Variants in RAB38 observed in about 807,000 individuals in gnomAD.
RAB38 encodes ras-related protein Rab-38.
RAB38 carries 15 observed loss-of-function variants against 18.4 expected under a neutral mutation model. That is an observed-to-expected ratio of 0.82 (90% CI 0.55 to 1.26). RAB38 has a LOEUF of 1.26. Among genes scored for constraint, RAB38 ranks in the 50% most tolerant of loss-of-function variants. The pLI is 0.00. For synonymous variants in RAB38, 101 were observed against 104.4 expected, an observed-to-expected ratio of 0.97 and a Z score of 0.20; for missense variants, 294 against 267.4, an observed-to-expected ratio of 1.10 and a Z score of -0.69.
chr11:87,923,695 G>A, the RAB38 span, among the ~76,000 whole-genome samples: 12 of 151,584 alleles, frequency 7.9e-5, no homozygotes, highest in Admixed American at 2.6e-4. Flanking sequence ...AGAAGAAGTC[G>A]GTGCTTTGGA....
the RAB38 span, among the ~76,000 whole-genome samples, chr11:88,056,020 T>C: frequency 6.6e-6 from 1 of 150,822 alleles, no homozygotes; most frequent in African/African-American, 2.4e-5. Context: ...TTTTCTTTCG[T>C]GTGTGTGTGT....
chr11:87,961,628 G>A, the RAB38 span, among the ~76,000 whole-genome samples: 2 of 152,110 alleles, frequency 1.3e-5, no homozygotes, highest in Non-Finnish European at 2.9e-5. Context: ...CATAAAAGCT[G>A]ACTCTGGTAC....
At chr11:87,844,909 G>A in the RAB38 span, among the ~76,000 whole-genome samples, 1 of 152,160 alleles carries the variant, frequency 6.6e-6, no homozygotes, top group Non-Finnish European at 1.5e-5. Flanking sequence ...AGACACACAT[G>A]TGTGGGCACA....
the RAB38 span, among the ~76,000 whole-genome samples, chr11:87,871,311 G>C: frequency 1.3e-5 from 2 of 151,528 alleles, no homozygotes; most frequent in Admixed American, 1.3e-4. Context: ...CTTAAAGCAG[G>C]AATCAGAGCT....
chr11:87,827,682 G>T, the RAB38 span, among the ~76,000 whole-genome samples: 1 of 152,090 alleles, frequency 6.6e-6, no homozygotes, highest in Non-Finnish European at 1.5e-5. Context: ...TCTTGACACG[G>T]TTAGCCTGTT....
the RAB38 span, among the ~76,000 whole-genome samples, chr11:87,820,766 ACT>A: frequency 6.8e-4 from 103 of 152,318 alleles, no homozygotes; most frequent in African/African-American, 2.0e-3. Flanking sequence ...TTATAAAATA[ACT>A]CTCTAATATG....
the RAB38 span, among the ~76,000 whole-genome samples, chr11:87,975,925 A>G: frequency 6.6e-6 from 1 of 151,558 alleles, no homozygotes; most frequent in Admixed American, 6.6e-5. Context: ...AATGGCATTT[A>G]AAAGATTAAA....
chr11:88,122,234 C>A (rs1942639699), intron 2 of RAB38, among the ~76,000 whole-genome samples: 1 of 152,134 alleles, frequency 6.6e-6, no homozygotes, highest in Admixed American at 6.5e-5. Context: ...GTATGACTTA[C>A]CAGTAATTGC....
the RAB38 span, among the ~76,000 whole-genome samples, chr11:87,951,032 A>G: frequency 6.6e-6 from 1 of 152,136 alleles, no homozygotes; most frequent in South Asian, 2.1e-4. Context: ...CCAATCAGAC[A>G]TAGAGTTGGT....
At chr11:88,052,484 A>G in the RAB38 span, among the ~76,000 whole-genome samples, 1 of 152,140 alleles carries the variant, frequency 6.6e-6, no homozygotes. Context: ...AAAGGTAACA[A>G]TAGAACTGGA....
the RAB38 span, among the ~76,000 whole-genome samples, chr11:88,065,615 T>G: frequency 6.6e-6 from 1 of 152,196 alleles, no homozygotes; most frequent in Non-Finnish European, 1.5e-5. Flanking sequence ...GCTCTCCCAC[T>G]CAAAATTATG....
chr11:87,818,342 A>G, the RAB38 span, among the ~76,000 whole-genome samples: 1 of 152,162 alleles, frequency 6.6e-6, no homozygotes, highest in Non-Finnish European at 1.5e-5. Flanking sequence ...TAATAACACT[A>G]TTGAGATTTA....
At chr11:87,935,106 A>G in the RAB38 span, among the ~76,000 whole-genome samples, 3 of 151,238 alleles carry the variant, frequency 2.0e-5, no homozygotes, top group African/African-American at 7.4e-5. Context: ...GACACAAACC[A>G]AAAAGCTGTT....
At chr11:88,043,202 T>A in the RAB38 span, among the ~76,000 whole-genome samples, 1 of 152,226 alleles carries the variant, frequency 6.6e-6, no homozygotes, top group Non-Finnish European at 1.5e-5. Flanking sequence ...CATGTGATCA[T>A]GCCTGTTTCC....
At chr11:87,822,777 A>G in the RAB38 span, among the ~76,000 whole-genome samples, 1 of 152,220 alleles carries the variant, frequency 6.6e-6, no homozygotes, top group African/African-American at 2.4e-5. Flanking sequence ...TAAGAGAAGT[A>G]AATCAGGAGG....
At chr11:88,032,382 G>C in the RAB38 span, among the ~76,000 whole-genome samples, 1 of 152,130 alleles carries the variant, frequency 6.6e-6, no homozygotes, top group Non-Finnish European at 1.5e-5. Flanking sequence ...TGACAAATGG[G>C]ATCTAATTAA....
chr11:87,956,178 G>C, the RAB38 span, among the ~76,000 whole-genome samples: 3 of 152,050 alleles, frequency 2.0e-5, no homozygotes, highest in African/African-American at 4.8e-5. Flanking sequence ...ATATTTACTT[G>C]TAAGTAAATA....
At chr11:88,137,190 C>A (rs979745691) in intron 2 of RAB38, among the ~76,000 whole-genome samples, 1 of 152,176 alleles carries the variant, frequency 6.6e-6, no homozygotes, top group African/African-American at 2.4e-5. Context: ...ATCACCATAG[C>A]CACTATTCAA....
At chr11:87,811,078 C>G in the RAB38 span, among the ~76,000 whole-genome samples, 2 of 152,236 alleles carry the variant, frequency 1.3e-5, no homozygotes, top group East Asian at 1.9e-4. Context: ...AGGCTCTCCT[C>G]TTTCCCAAGA....
Sources: gnomAD v4.1 joint callset for allele counts (sites outside exome capture counted in the v4.1 genomes callset) on GRCh38, gnomAD v4.1.1 for gene constraint, MANE v1.5 for transcripts, NCBI Gene and HGNC (gene_info 2026-07-23, HGNC 2026-07-21) for gene names.